Variants in CD9 observed in about 807,000 individuals in gnomAD.
The protein encoded by CD9 is CD9 antigen.
A neutral mutation model predicts 31.4 loss-of-function variants in CD9; 10 were observed. The observed-to-expected ratio is 0.32, with a 90% CI of 0.20 to 0.54. The LOEUF (loss-of-function observed/expected upper bound fraction) is 0.54, where lower values mean the gene tolerates loss of function less well. Among genes scored for constraint, CD9 ranks in the 20% least tolerant of loss-of-function variants. The probability of loss-of-function intolerance (pLI) is 0.94; values close to 1 mark genes in which losing one functional copy is unlikely to be tolerated. For synonymous variants in CD9, 113 were observed against 114.1 expected (o/e 0.99, Z 0.06); for missense variants, 259 against 300.1 (o/e 0.86, Z 1.01).
chr12:6,225,972 CTG>C (rs1265475459), intron 2 of CD9, among the ~76,000 whole-genome samples: 38 of 152,294 alleles, frequency 2.5e-4, no homozygotes, highest in African/African-American at 9.1e-4. Context: ...GATAGGGACT[CTG>C]AGACTGGGAA....
intron 3 of CD9, 185 bp from the exon 4 acceptor site, chr12:6,233,227 C>T (rs1238826548): frequency 1.6e-6 from 1 of 634,668 alleles, no homozygotes; most frequent in East Asian, 2.7e-5. Context: ...ACTGTGGCCT[C>T]TGTCCTGGGC....
intron 1 of CD9, among the ~76,000 whole-genome samples, chr12:6,204,314 T>C (rs1334786143): frequency 6.6e-6 from 1 of 152,186 alleles, no homozygotes; most frequent in Non-Finnish European, 1.5e-5. Context: ...ATGTTGGTGA[T>C]GGTCACATTA....
At chr12:6,235,944 C>T in intron 6 of CD9, 1 of 1,401,102 alleles carries the variant, frequency 7.1e-7, no homozygotes, top group African/African-American at 1.4e-5. Context: ...AGAAATAGAC[C>T]CCCAAGCAGG....
At chr12:6,200,588 C>G in intron 1 of CD9, 23 bp downstream of exon 1, 3 of 1,575,200 alleles carry the variant, frequency 1.9e-6, no homozygotes, top group Non-Finnish European at 2.6e-6. Context: ...GACTGCCGCG[C>G]GCTCCTCTCA....
chr12:6,216,944 G>C (rs1946249297), intron 1 of CD9, among the ~76,000 whole-genome samples: 1 of 152,116 alleles, frequency 6.6e-6, no homozygotes, highest in Non-Finnish European at 1.5e-5. Flanking sequence ...ACACTTCACA[G>C]TTTTCAGAAT....
chr12:6,200,499 C>T lies in CD9; in HGVS notation c.-1C>T, dbSNP rs763612265. The T allele has an allele frequency of 6.2e-7, 1 of 1,609,580 alleles. No homozygotes were observed. The highest frequency in any genetic ancestry group is 8.5e-7 in the Non-Finnish European group (1 of 1,176,566). The stretch of plus-strand genomic sequence containing the variant: ...CGGCCCAGGCTAAGTTAGCCCTCAC[C>T]ATGCCGGTCAAAGGAGGCACCAAGT... On this transcript the variant is annotated 5_prime_UTR_variant, in exon 1 of 8. Transcript: ENST00000009180.
intron 1 of CD9, among the ~76,000 whole-genome samples, chr12:6,202,641 G>T (rs1216938908): frequency 6.6e-6 from 1 of 152,256 alleles, no homozygotes; most frequent in African/African-American, 2.4e-5. Flanking sequence ...TGGCCTGCTG[G>T]CCTGCAATCT....
rs866727189 is a variant in CD9, at chr12:6,236,535, G to A, written c.621+260G>A. 6.3e-5 allele frequency: 33 copies of A among 523,388 alleles called. 1 individual carries two copies. The highest frequency in any genetic ancestry group is 9.8e-4 in the Middle Eastern group (2 of 2,034). The allele number at this position is 523,388 out of a possible 1,614,324, so 32.4% of individuals were successfully genotyped here. A position where few individuals can be genotyped will look rare whatever the true frequency, so the allele number is the denominator to read the frequency against. On this transcript the variant is annotated intron_variant, in intron 7 of 7. Coordinates refer to ENST00000009180, the MANE Select transcript of CD9 (RefSeq NM_001769.4). ...CGACTCTCTTAGCCGTTAAGGTTCA[G>A]GGCACATGGGTGGCAGTGCTGGCAC...
intron 1 of CD9, among the ~76,000 whole-genome samples, chr12:6,210,841 T>G (rs1565419865): frequency 6.6e-6 from 1 of 150,380 alleles, no homozygotes; most frequent in Non-Finnish European, 1.5e-5. Flanking sequence ...GCAACTTTTT[T>G]TTTTTTTTTT....
intron 1 of CD9, among the ~76,000 whole-genome samples, chr12:6,220,880 A>C (rs1946285857): frequency 6.6e-6 from 1 of 152,176 alleles, no homozygotes. Context: ...CATTCTGTTA[A>C]CTGAGCTCTG....
intron 2 of CD9, among the ~76,000 whole-genome samples, chr12:6,231,007 C>G (rs1946438809): frequency 6.6e-6 from 1 of 152,188 alleles, no homozygotes; most frequent in Admixed American, 6.5e-5. Context: ...AGTCTCACCC[C>G]TGCTCGGGGT....
At chr12:6,225,359 T>TA in intron 1 of CD9, 67 bp from the exon 2 acceptor site, 1 of 1,044,242 alleles carries the variant, frequency 9.6e-7, no homozygotes, top group Non-Finnish European at 1.5e-6. Context: ...GTCTCACCCT[T>TA]AAGCGCGTGG....
At chr12:6,211,549 G>A (rs988343672) in intron 1 of CD9, among the ~76,000 whole-genome samples, 7 of 152,256 alleles carry the variant, frequency 4.6e-5, no homozygotes, top group Non-Finnish European at 4.4e-5. Context: ...GGCCACGCAC[G>A]CACGTGGCGG....
chr12:6,232,612 C>T lies in CD9; in HGVS notation c.176-20C>T. 1 of 1,506,656 alleles carries T rather than the reference C, an allele frequency of 6.6e-7. No homozygotes were observed. The highest frequency in any genetic ancestry group is 9.0e-7 in the Non-Finnish European group (1 of 1,108,388). The allele number at this position is 1,506,656 out of a possible 1,614,324, so 93.3% of individuals were successfully genotyped here. ...GAACTGATGTCTCCACGCGTGTGTG[C>T]TTCCTCTGTCCTCCCGCAGGAGTCT... is the stretch of plus-strand genomic sequence containing the variant. On this transcript the variant is annotated intron_variant, in intron 2 of 7. Transcript: ENST00000009180. This position sits in a 1 kb window ranked among gnomAD's most constrained non-coding sequence, Gnocchi z 4.8.
intron 1 of CD9, among the ~76,000 whole-genome samples, chr12:6,210,152 G>GTTC (rs10626702): frequency 0.4 from 61,227 of 151,816 alleles, 12,855 homozygotes; most frequent in East Asian, 0.52. Flanking sequence ...ATGTCATCTT[G>GTTC]TTCTGCCCTT....
intron 2 of CD9, among the ~76,000 whole-genome samples, chr12:6,226,932 GC>G (rs1946374621): frequency 6.6e-6 from 1 of 152,172 alleles, no homozygotes; most frequent in Non-Finnish European, 1.5e-5. Flanking sequence ...CCAGAAGGGA[GC>G]CCTGTGCTGG....
intron 2 of CD9, among the ~76,000 whole-genome samples, chr12:6,227,276 G>A (rs1217884214): frequency 3.3e-5 from 5 of 151,684 alleles, no homozygotes; most frequent in South Asian, 2.1e-4. Flanking sequence ...TCGGCTCACC[G>A]CAACCTCTGC....
In CD9 at chr12:6,218,606, G is replaced by A. The variant is rs906999851; in HGVS notation, c.67-6820G>A. ...GAGCAGCCAGGTGCCCCTAAGCTCC[G>A]TTACACTTTGATGTTTTTTGTTTAA... is the stretch of plus-strand genomic sequence containing the variant. On this transcript the variant is annotated intron_variant, in intron 1 of 7. Transcript: ENST00000009180. Among the ~76,000 whole-genome samples, 11 of 152,202 alleles carry A rather than the reference G, an allele frequency of 7.2e-5. No individual in the cohort carries two copies. The East Asian group carries it at 7.7e-4, about 11-fold the overall frequency.
At chr12:6,233,605 ATC>A (rs1236822827) in intron 4 of CD9, 119 bp downstream of exon 4, 5 of 764,176 alleles carry the variant, frequency 6.5e-6, no homozygotes, top group Admixed American at 4.2e-5. Context: ...CAGGCCTCTT[ATC>A]TCATCGCGTC....
Sources: gnomAD v4.1 joint callset for allele counts (sites outside exome capture counted in the v4.1 genomes callset) on GRCh38, gnomAD v4.1.1 for gene constraint, Gnocchi (gnomAD v3.1) non-coding constraint, MANE v1.5 for transcripts, NCBI Gene and HGNC (gene_info 2026-07-23, HGNC 2026-07-21) for gene names.